NRXN3: variants seen among roughly 807,000 people sequenced by gnomAD.
NRXN3 encodes neurexin III.
Under a neutral mutation model 137.6 loss-of-function variants are expected in NRXN3, and 32 were observed. The observed-to-expected ratio is 0.23, with a 90% CI of 0.18 to 0.31. The LOEUF (loss-of-function observed/expected upper bound fraction) is 0.31. Among genes scored for constraint, NRXN3 ranks in the 10% least tolerant of loss-of-function variants. NRXN3 has a pLI of 1.00. For missense variants in NRXN3, 1,574 were observed against 2,062.5 expected (o/e 0.76, Z 4.59); for synonymous variants, 798 against 784.5 (o/e 1.02, Z -0.29).
At chr14:78,587,487 A>T (rs1396876809) in intron 4 of NRXN3, among the ~76,000 whole-genome samples, 1 of 152,216 alleles carries the variant, frequency 6.6e-6, no homozygotes, top group African/African-American at 2.4e-5. Context: ...GCACAGGATT[A>T]TTGTAAATAT....
intron 8 of NRXN3, among the ~76,000 whole-genome samples, chr14:78,793,253 A>T (rs1406241939): frequency 1.3e-5 from 2 of 152,218 alleles, no homozygotes; most frequent in Admixed American, 1.3e-4. Flanking sequence ...CATTACAATA[A>T]AATTCAAGCA....
At chr14:78,684,004 G>A (rs1042753148) in intron 6 of NRXN3, among the ~76,000 whole-genome samples, 5 of 152,120 alleles carry the variant, frequency 3.3e-5, no homozygotes, top group African/African-American at 1.2e-4. Context: ...TCTAAAGGAA[G>A]GATAATGTCA....
At chr14:78,712,508 C>T (rs1441944160) in intron 7 of NRXN3, among the ~76,000 whole-genome samples, 1 of 152,150 alleles carries the variant, frequency 6.6e-6, no homozygotes, top group African/African-American at 2.4e-5. Flanking sequence ...CCTTTCTATG[C>T]TTCTACTCTT....
At chr14:79,656,814 C>A (rs959257291) in intron 16 of NRXN3, among the ~76,000 whole-genome samples, 2 of 152,124 alleles carry the variant, frequency 1.3e-5, no homozygotes, top group Admixed American at 6.6e-5. Context: ...TGTAACTTTC[C>A]TGGTTGGGTG....
At chr14:79,191,662 C>A (rs1042875660) in intron 15 of NRXN3, among the ~76,000 whole-genome samples, 1 of 152,102 alleles carries the variant, frequency 6.6e-6, no homozygotes, top group Non-Finnish European at 1.5e-5. Context: ...TTCTATTTGC[C>A]AGGCATGTGA....
chr14:79,741,801 T>TACACACACAC (rs34107894), intron 19 of NRXN3, among the ~76,000 whole-genome samples: 1 of 146,828 alleles, frequency 6.8e-6, no homozygotes, highest in Non-Finnish European at 1.5e-5. Flanking sequence ...GTGTATACAT[T>TACACACACAC]ACACACACAC....
intron 8 of NRXN3, among the ~76,000 whole-genome samples, chr14:78,800,294 G>A (rs558210499): frequency 6.6e-6 from 1 of 152,270 alleles, no homozygotes; most frequent in Non-Finnish European, 1.5e-5. Flanking sequence ...TAGAAAATGA[G>A]ATAATAAAGT....
chr14:78,647,978 T>C (rs747368359), intron 5 of NRXN3, among the ~76,000 whole-genome samples: 1 of 152,288 alleles, frequency 6.6e-6, no homozygotes, highest in South Asian at 2.1e-4. Flanking sequence ...CAAAAATTCA[T>C]TGAGTAAAGT....
At chr14:78,942,562 G>C (rs139698265) in intron 10 of NRXN3, among the ~76,000 whole-genome samples, 40 of 152,270 alleles carry the variant, frequency 2.6e-4, no homozygotes, top group African/African-American at 9.1e-4. Context: ...GAGAAAGGAA[G>C]AGAAAAATTG....
intron 10 of NRXN3, among the ~76,000 whole-genome samples, chr14:78,813,993 C>T (rs992266900): frequency 3.3e-5 from 5 of 152,064 alleles, no homozygotes; most frequent in African/African-American, 1.2e-4. Context: ...TTTTTTAATA[C>T]TTTGTCTTTC....
intron 1 of NRXN3, among the ~76,000 whole-genome samples, chr14:78,199,256 G>C (rs1018607510): frequency 1.3e-5 from 2 of 152,142 alleles, no homozygotes; most frequent in Non-Finnish European, 2.9e-5. Flanking sequence ...TGTTCACTAA[G>C]GTGGTCCAGC....
At chr14:78,929,165 A>C (rs898596343) in intron 10 of NRXN3, among the ~76,000 whole-genome samples, 1 of 152,118 alleles carries the variant, frequency 6.6e-6, no homozygotes, top group South Asian at 2.1e-4. Context: ...TTTCTTGTAA[A>C]TTTGTTTAAG....
At chr14:78,465,027 CATTT>C (rs1388439586) in intron 4 of NRXN3, among the ~76,000 whole-genome samples, 4 of 151,830 alleles carry the variant, frequency 2.6e-5, no homozygotes, top group Non-Finnish European at 5.9e-5. Context: ...TTTTTTCATT[CATTT>C]GTTTATTTCA....
chr14:78,778,697 T>C (rs1047309646), intron 8 of NRXN3, among the ~76,000 whole-genome samples: 1 of 146,138 alleles, frequency 6.8e-6, no homozygotes, highest in African/African-American at 2.5e-5. Flanking sequence ...TTTCTTTCTT[T>C]CTTTCTTTCT....
At position 78,826,314 on chromosome 14, in the gene NRXN3, G is replaced by A. The variant is rs138403702; in HGVS notation, c.2275+15970G>A. Among the ~76,000 whole-genome samples the A allele has an allele frequency of 1.7e-3, 261 of 152,208 alleles. 1 individual carries two copies. Among genetic ancestry groups the A allele is most frequent in the African/African-American group, 6.1e-3 (252 of 41,548 alleles). ...ACAGGCACTCACGACCCCACCCCAC[G>A]ATTCTTTGTGTGGAGGCAGAAGGTT... On this transcript the variant is annotated intron_variant, in intron 10 of 20. Coordinates refer to ENST00000335750, the MANE Select transcript of NRXN3 (RefSeq NM_001330195.2).
At chr14:78,626,270 T>A (rs1375761319) in intron 4 of NRXN3, among the ~76,000 whole-genome samples, 1 of 152,086 alleles carries the variant, frequency 6.6e-6, no homozygotes, top group African/African-American at 2.4e-5. Context: ...TCTTCAAGGG[T>A]GGGAGGATTG....
chr14:79,837,151 A>G (rs1243504208), intron 20 of NRXN3, among the ~76,000 whole-genome samples: 1 of 152,172 alleles, frequency 6.6e-6, no homozygotes, highest in African/African-American at 2.4e-5. Context: ...GAAAGGCAAC[A>G]TAGAAAATAA....
At chr14:78,928,824 G>A (rs1369573747) in intron 10 of NRXN3, among the ~76,000 whole-genome samples, 3 of 152,088 alleles carry the variant, frequency 2.0e-5, no homozygotes, top group African/African-American at 7.2e-5. Flanking sequence ...CCCAGTAATG[G>A]GATTGCTGGG....
chr14:79,748,711 T>C (rs1391982127), intron 19 of NRXN3, among the ~76,000 whole-genome samples: 1 of 152,016 alleles, frequency 6.6e-6, no homozygotes, highest in Non-Finnish European at 1.5e-5. Flanking sequence ...TTCCTTGTTG[T>C]TCTTTTCTGT....
Sources: allele counts gnomAD v4.1 joint callset (sites outside exome capture counted in the v4.1 genomes callset), GRCh38; gene constraint gnomAD v4.1.1; transcripts MANE v1.5; gene names NCBI Gene and HGNC (gene_info 2026-07-23, HGNC 2026-07-21).